Variants in PRKCB observed in about 807,000 individuals in gnomAD.
PRKCB encodes protein kinase C beta, also known as protein kinase C beta type.
PRKCB carries 13 observed loss-of-function variants against 81.5 expected under a neutral mutation model. The ratio of observed to expected loss-of-function variants is 0.16; its 90% CI spans 0.10 to 0.25. PRKCB has a LOEUF of 0.25. PRKCB is among the 10% of genes least tolerant of loss of function. The probability of loss-of-function intolerance (pLI) is 1.00; values close to 1 mark genes in which losing one functional copy is unlikely to be tolerated. For synonymous variants in PRKCB, 335 were observed against 321.4 expected (o/e 1.04, Z -0.45); for missense variants, 509 against 875.7 (o/e 0.58, Z 5.29).
intron 2 of PRKCB, among the ~76,000 whole-genome samples, chr16:23,855,582 A>G (rs921701476): frequency 1.3e-5 from 2 of 152,334 alleles, no homozygotes; most frequent in Admixed American, 6.5e-5. Flanking sequence ...TTCTTCTGCA[A>G]CTCTGGCTAG....
intron 5 of PRKCB, among the ~76,000 whole-genome samples, chr16:24,059,218 A>C (rs940467424): frequency 6.6e-6 from 1 of 152,206 alleles, no homozygotes; most frequent in African/African-American, 2.4e-5. Flanking sequence ...TGCAGGGGTC[A>C]CCGGCCCTAA....
chr16:24,218,457 T>C lies in PRKCB; in HGVS notation c.*3641T>C. The C allele has an allele frequency of 3.0e-6, 3 of 985,420 alleles. No homozygotes were observed. The highest frequency in any genetic ancestry group is 3.6e-6 in the Non-Finnish European group (3 of 829,968). The allele number at this position is 985,420 out of a possible 1,614,324, so 61.0% of individuals were successfully genotyped here. On this transcript the variant is annotated 3_prime_UTR_variant, in exon 17 of 17. Transcript: ENST00000643927. The stretch of plus-strand genomic sequence containing the variant: ...AAACAGCTCCATCAGCATCTTAGCC[T>C]GCCCCACTCTAGCCACACATACCCA...
At chr16:24,170,826 CTGCTATGTGCTAGTTG>C (rs1242572449) in intron 10 of PRKCB, among the ~76,000 whole-genome samples, 2 of 152,234 alleles carry the variant, frequency 1.3e-5, no homozygotes, top group African/African-American at 4.8e-5. Context: ...CTCTGGGCAC[CTGCTATGTGCTAGTTG>C]TGCTATCAGA....
intron 3 of PRKCB, among the ~76,000 whole-genome samples, chr16:24,024,815 A>G (rs896193581): frequency 3.3e-5 from 5 of 152,178 alleles, no homozygotes; most frequent in African/African-American, 1.2e-4. Context: ...CAGAGATGGC[A>G]TTGGGCTCAG....
intron 2 of PRKCB, among the ~76,000 whole-genome samples, chr16:23,857,432 A>G (rs1410717762): frequency 6.6e-6 from 1 of 152,114 alleles, no homozygotes; most frequent in Admixed American, 6.5e-5. Flanking sequence ...GCCAGCACGG[A>G]GGTGGGTCAG....
At chr16:24,124,817 C>G (rs995560171) in intron 9 of PRKCB, among the ~76,000 whole-genome samples, 1 of 152,140 alleles carries the variant, frequency 6.6e-6, no homozygotes, top group Non-Finnish European at 1.5e-5. Context: ...GGGAGTTATC[C>G]CTGAGCTTCC....
At chr16:23,990,144 A>G (rs1270397806) in intron 3 of PRKCB, among the ~76,000 whole-genome samples, 2 of 152,122 alleles carry the variant, frequency 1.3e-5, no homozygotes, top group Non-Finnish European at 2.9e-5. Flanking sequence ...TTTATCCCCA[A>G]GCTGGATAGA....
At chr16:23,855,516 A>G (rs910838549) in intron 2 of PRKCB, among the ~76,000 whole-genome samples, 2 of 152,212 alleles carry the variant, frequency 1.3e-5, no homozygotes, top group African/African-American at 2.4e-5. Context: ...AGAAAAAAAT[A>G]TAAGTTCTTA....
intron 7 of PRKCB, among the ~76,000 whole-genome samples, chr16:24,108,169 T>C (rs1433799580): frequency 9.2e-5 from 13 of 141,442 alleles, no homozygotes; most frequent in African/African-American, 1.4e-4. Context: ...TATTTTTTTT[T>C]CTTTTTTTTT....
chr16:24,091,405 G>A (rs563455767), intron 5 of PRKCB, among the ~76,000 whole-genome samples: 5 of 152,272 alleles, frequency 3.3e-5, no homozygotes, highest in African/African-American at 1.2e-4. Context: ...TTGTTCTACT[G>A]TAAGTGAGAT....
intron 8 of PRKCB, among the ~76,000 whole-genome samples, chr16:24,120,889 A>G (rs1353063145): frequency 3.3e-5 from 5 of 151,808 alleles, no homozygotes; most frequent in African/African-American, 1.2e-4. Flanking sequence ...ACACACCACC[A>G]TGCCTGGCTC....
intron 2 of PRKCB, among the ~76,000 whole-genome samples, chr16:23,888,591 A>G (rs941786757): frequency 2.6e-5 from 4 of 152,064 alleles, no homozygotes; most frequent in Non-Finnish European, 5.9e-5. Context: ...CTCAAAACCC[A>G]TTGTGTCTGA....
intron 2 of PRKCB, among the ~76,000 whole-genome samples, chr16:23,922,495 G>A (rs1303745901): frequency 2.0e-5 from 3 of 152,164 alleles, no homozygotes; most frequent in African/African-American, 7.2e-5. Flanking sequence ...TACTCTATTT[G>A]CATTTTTAAA....
In PRKCB at chr16:24,035,543, C is replaced by G. The variant is rs1965604214; in HGVS notation, c.525C>G (p.Val175=). The part of the protein sequence containing the change: ...QAHIDRDVLI[V]LVRDAKNLVP... ...ACATCGACAGGGACGTCCTCATTGT[C>G]CTCGGTAGGTGGCCCTGGGGCTCCA... The change falls in exon 5 of 17, where the codon GTC becomes GTG. Residue 175 remains valine, a synonymous_variant. Coordinates refer to ENST00000643927, the MANE Select transcript of PRKCB (RefSeq NM_002738.7). 1 of 1,613,670 alleles carries G rather than the reference C, an allele frequency of 6.2e-7. No individual in the cohort carries two copies. The highest frequency in any genetic ancestry group is 2.2e-5 in the East Asian group (1 of 44,850).
intron 2 of PRKCB, among the ~76,000 whole-genome samples, chr16:23,958,450 A>T (rs1372237019): frequency 6.6e-6 from 1 of 151,808 alleles, no homozygotes; most frequent in Non-Finnish European, 1.5e-5. Flanking sequence ...GACCACAGGC[A>T]CCCACCACCA....
chr16:23,883,919 A>G (rs1406355064), intron 2 of PRKCB, among the ~76,000 whole-genome samples: 1 of 152,260 alleles, frequency 6.6e-6, no homozygotes, highest in African/African-American at 2.4e-5. Context: ...GGTCAAAGGA[A>G]ACAGGTGAAA....
chr16:24,081,885 A>C (rs545082026), intron 5 of PRKCB, among the ~76,000 whole-genome samples: 5 of 152,200 alleles, frequency 3.3e-5, no homozygotes, highest in South Asian at 4.1e-4. Context: ...AAGTAATAAT[A>C]AAATAAAAAA....
intron 7 of PRKCB, chr16:24,098,134 G>A (rs1320856133): frequency 6.6e-6 from 1 of 152,190 alleles, no homozygotes; most frequent in East Asian, 1.9e-4. Flanking sequence ...TACATGGCTA[G>A]GGGGCTTAGA....
intron 15 of PRKCB, among the ~76,000 whole-genome samples, chr16:24,188,764 C>G (rs1967744245): frequency 6.6e-6 from 1 of 152,120 alleles, no homozygotes; most frequent in Non-Finnish European, 1.5e-5. Context: ...CTGTTCAAAG[C>G]CTTGCCCTGC....
Sources: gnomAD v4.1 joint callset for allele counts (sites outside exome capture counted in the v4.1 genomes callset) on GRCh38, gnomAD v4.1.1 for gene constraint, MANE v1.5 for transcripts, NCBI Gene and HGNC (gene_info 2026-07-23, HGNC 2026-07-21) for gene names.